Variants in PHACTR1 observed in about 807,000 individuals in gnomAD.
PHACTR1 encodes the protein phosphatase and actin regulator 1.
In PHACTR1, 16 loss-of-function variants were observed where a neutral mutation model predicts 69.2. The observed-to-expected ratio is 0.23, with a 90% CI of 0.16 to 0.35. PHACTR1 has a LOEUF of 0.35. PHACTR1 is among the 10% of genes least tolerant of loss of function. PHACTR1 has a pLI of 1.00. For missense variants in PHACTR1, 510 were observed against 734.7 expected, an observed-to-expected ratio of 0.69 and a Z score of 3.54; for synonymous variants, 312 against 284.5, an observed-to-expected ratio of 1.10 and a Z score of -0.97.
At chr6:12,819,828 A>G (rs1776001928) in intron 4 of PHACTR1, among the ~76,000 whole-genome samples, 1 of 152,196 alleles carries the variant, frequency 6.6e-6, no homozygotes, top group Non-Finnish European at 1.5e-5. Context: ...AGCCACTTCT[A>G]TAGGTCAGGT....
chr6:12,888,072 C>A (rs1359304809), intron 4 of PHACTR1, among the ~76,000 whole-genome samples: 257 of 71,842 alleles, frequency 3.6e-3, no homozygotes, highest in African/African-American at 7.2e-3. Context: ...GACTCCATCT[C>A]AAAAAAAAAA....
chr6:13,081,036 T>G (rs948319223), intron 5 of PHACTR1, among the ~76,000 whole-genome samples: 1 of 152,162 alleles, frequency 6.6e-6, no homozygotes, highest in African/African-American at 2.4e-5. Context: ...ATGGATTATT[T>G]TCTTCATAAG....
At chr6:13,086,083 T>TAAAAAAAAAAAA (rs776154642) in intron 5 of PHACTR1, among the ~76,000 whole-genome samples, 4 of 60,262 alleles carry the variant, frequency 6.6e-5, no homozygotes, top group African/African-American at 2.5e-4. Flanking sequence ...TACACATTTC[T>TAAAAAAAAAAAA]AAAAAAAAAA....
intron 4 of PHACTR1, among the ~76,000 whole-genome samples, chr6:12,810,034 G>A (rs1237140949): frequency 6.6e-6 from 1 of 152,182 alleles, no homozygotes. Context: ...TCTGTGTGTA[G>A]ATAGATCCAT....
At chr6:13,072,596 C>T (rs1809710973) in intron 5 of PHACTR1, among the ~76,000 whole-genome samples, 1 of 152,160 alleles carries the variant, frequency 6.6e-6, no homozygotes, top group South Asian at 2.1e-4. Flanking sequence ...GAAACTCTAG[C>T]TCACTGCTGA....
intron 3 of PHACTR1, among the ~76,000 whole-genome samples, chr6:12,735,048 G>A (rs1289122196): frequency 6.6e-6 from 1 of 152,214 alleles, no homozygotes; most frequent in South Asian, 2.1e-4. Context: ...AAGAATTAAG[G>A]AGAGTCTTAG....
chr6:13,117,777 G>A (rs1344275415), intron 5 of PHACTR1, among the ~76,000 whole-genome samples: 4 of 152,044 alleles, frequency 2.6e-5, no homozygotes, highest in Admixed American at 6.6e-5. Flanking sequence ...TGAGAGTAGC[G>A]CCATATCCAT....
Position 12,753,257 on chromosome 6 carries a change from T to C in PHACTR1, c.250+3467T>C, listed in dbSNP as rs566620501. On this transcript the variant is annotated intron_variant, in intron 4 of 14. Coordinates refer to ENST00000332995, the MANE Select transcript of PHACTR1 (RefSeq NM_030948.6). ...TTATGAGGTCGTTCATTCACTGCAT[T>C]GCAGTCAGTGCAATGAAGAGTTGCA... is the stretch of plus-strand genomic sequence containing the variant. 3.5e-4 allele frequency among the ~76,000 whole-genome samples: 53 copies of C among 152,342 alleles called. No homozygotes were observed. In the South Asian group the frequency reaches 3.9e-3, roughly 11 times the overall value.
chr6:13,082,000 C>G (rs979598761), intron 5 of PHACTR1, among the ~76,000 whole-genome samples: 2 of 152,184 alleles, frequency 1.3e-5, no homozygotes, highest in African/African-American at 4.8e-5. Flanking sequence ...TAAGATCAAT[C>G]TGGCCACACT....
At chr6:13,268,655 T>C (rs1161705332) in intron 10 of PHACTR1, among the ~76,000 whole-genome samples, 4 of 152,192 alleles carry the variant, frequency 2.6e-5, no homozygotes, top group Non-Finnish European at 4.4e-5. Context: ...CTGAGGTAAA[T>C]AGGTTCAGAG....
intron 4 of PHACTR1, among the ~76,000 whole-genome samples, chr6:12,884,424 G>A (rs1389089757): frequency 3.3e-5 from 5 of 149,644 alleles, no homozygotes; most frequent in African/African-American, 4.9e-5. Context: ...TTTTTTAGAC[G>A]GAGTCTCACT....
At chr6:13,178,777 C>T (rs748633660) in intron 6 of PHACTR1, among the ~76,000 whole-genome samples, 1 of 152,222 alleles carries the variant, frequency 6.6e-6, no homozygotes, top group Non-Finnish European at 1.5e-5. Context: ...TAATTTCCAA[C>T]ACTCAGTGAA....
Position 12,952,872 on chromosome 6 carries a change from G to T in PHACTR1, c.251-100493G>T, listed in dbSNP as rs762751220. On this transcript the variant is annotated intron_variant, in intron 4 of 14. Coordinates refer to ENST00000332995, the MANE Select transcript of PHACTR1 (RefSeq NM_030948.6). ...TTCCTGTCCTTGCCAGCATTGGATG[G>T]TTGGTCTGTCCATTTTTTAAAGCAC... is the stretch of plus-strand genomic sequence containing the variant. Among the ~76,000 whole-genome samples, 21 of 152,200 alleles carry T rather than the reference G, an allele frequency of 1.4e-4. 1 individual carries two copies. Among genetic ancestry groups the T allele is most frequent in the Non-Finnish European group, 7.3e-5 (5 of 68,038 alleles).
At chr6:13,272,182 A>T (rs1034283159) in intron 10 of PHACTR1, 2 of 152,314 alleles carry the variant, frequency 1.3e-5, no homozygotes, top group African/African-American at 4.8e-5. Flanking sequence ...TACTTCTGTC[A>T]CTACGTGCCA....
At chr6:12,718,037 A>G (rs1166671624) in intron 2 of PHACTR1, among the ~76,000 whole-genome samples, 1 of 152,200 alleles carries the variant, frequency 6.6e-6, no homozygotes, top group Non-Finnish European at 1.5e-5. Flanking sequence ...AGGCTAGTGT[A>G]TGATAATATA....
At chr6:13,107,508 C>G (rs1816362585) in intron 5 of PHACTR1, among the ~76,000 whole-genome samples, 1 of 152,154 alleles carries the variant, frequency 6.6e-6, no homozygotes, top group African/African-American at 2.4e-5. Context: ...CTGGAGTATT[C>G]TTTGTGGGAA....
intron 10 of PHACTR1, among the ~76,000 whole-genome samples, chr6:13,269,758 C>T (rs553606581): frequency 3.9e-5 from 6 of 152,200 alleles, no homozygotes; most frequent in Non-Finnish European, 5.9e-5. Flanking sequence ...CGCTTGAACC[C>T]GAGAGGCAGA....
At chr6:12,822,540 C>T (rs1036812596) in intron 4 of PHACTR1, among the ~76,000 whole-genome samples, 4 of 152,188 alleles carry the variant, frequency 2.6e-5, no homozygotes, top group Admixed American at 1.3e-4. Flanking sequence ...ACAGCCGGGT[C>T]CTAAAAGTTC....
intron 4 of PHACTR1, among the ~76,000 whole-genome samples, chr6:13,019,365 G>T (rs936381570): frequency 7.9e-5 from 12 of 152,208 alleles, no homozygotes; most frequent in African/African-American, 2.7e-4. Flanking sequence ...TTACGATGCT[G>T]TTGCTGTTAG....
Sources: gnomAD v4.1 joint callset for allele counts (sites outside exome capture counted in the v4.1 genomes callset) on GRCh38, gnomAD v4.1.1 for gene constraint, MANE v1.5 for transcripts, NCBI Gene and HGNC (gene_info 2026-07-23, HGNC 2026-07-21) for gene names.